The following CMC1 variants were observed in gnomAD, a reference collection of about 807,000 sequenced individuals.
CMC1 encodes COX assembly mitochondrial protein homolog.
A neutral mutation model predicts 14.1 loss-of-function variants in CMC1; 14 were observed. The ratio of observed to expected loss-of-function variants is 0.99; its 90% CI spans 0.66 to 1.55. CMC1 has a LOEUF of 1.55. Among genes scored for constraint, CMC1 ranks in the 40% most tolerant of loss-of-function variants. The pLI is 0.00. For missense variants in CMC1, 127 were observed against 123.8 expected (o/e 1.03, Z -0.12); for synonymous variants, 50 against 38.4 (o/e 1.30, Z -1.12).
intron 2 of CMC1, among the ~76,000 whole-genome samples, chr3:28,309,115 C>T (rs1053462400): frequency 1.3e-5 from 2 of 151,976 alleles, no homozygotes; most frequent in Non-Finnish European, 2.9e-5. Flanking sequence ...TGTATTTTTC[C>T]AGTTTCTTCT....
chr3:28,309,665 A>C (rs1280421539), intron 2 of CMC1, among the ~76,000 whole-genome samples: 1 of 151,716 alleles, frequency 6.6e-6, no homozygotes, highest in Non-Finnish European at 1.5e-5. Flanking sequence ...TCCTCTGCCT[A>C]CTCTAAGGTT....
chr3:28,300,619 C>G (rs554237723), intron 2 of CMC1, among the ~76,000 whole-genome samples: 2 of 121,150 alleles, frequency 1.7e-5, no homozygotes, highest in African/African-American at 6.7e-5. Context: ...TCCTCCCTCC[C>G]TCCCTCCCTC....
chr3:28,255,417 T>G (rs972009352), intron 1 of CMC1, among the ~76,000 whole-genome samples: 3 of 151,438 alleles, frequency 2.0e-5, no homozygotes, highest in Admixed American at 6.6e-5. Flanking sequence ...ATTTTTGTAG[T>G]TTTTTTTCAC....
rs1288242491 is a variant in CMC1, at chr3:28,320,938, CCACT to C, written c.*1310_*1313del. 6.6e-6 allele frequency: 1 copy of C among 151,228 alleles called. No homozygotes were observed. The highest frequency in any genetic ancestry group is 1.5e-5 in the Non-Finnish European group (1 of 67,554). 9.4% of individuals were successfully genotyped at this position (151,228 alleles called of 1,614,324 possible). The stretch of plus-strand genomic sequence containing the variant: ...TAAAATCACAAATAGAAATTACTAC[CCACT>C]AAGACAAGGTTTAACTTTCCCTAAT... On this transcript the variant is annotated 3_prime_UTR_variant, in exon 4 of 4. Coordinates refer to ENST00000466830, the MANE Select transcript of CMC1 (RefSeq NM_182523.2).
chr3:28,243,255 C>G (rs185244913), intron 1 of CMC1, among the ~76,000 whole-genome samples: 16 of 152,078 alleles, frequency 1.1e-4, no homozygotes, highest in Non-Finnish European at 1.9e-4. Context: ...GAGGTTTCGC[C>G]GTGTTCGCCA....
chr3:28,271,748 C>T (rs1309975652), intron 2 of CMC1, among the ~76,000 whole-genome samples: 1 of 151,994 alleles, frequency 6.6e-6, no homozygotes, highest in Non-Finnish European at 1.5e-5. Flanking sequence ...TTTCCAATTC[C>T]GAATTCTAGT....
At chr3:28,250,818 A>C (rs1315351645) in intron 1 of CMC1, among the ~76,000 whole-genome samples, 1 of 152,232 alleles carries the variant, frequency 6.6e-6, no homozygotes. Flanking sequence ...GGATTGCCCC[A>C]GGAGGATTAA....
At chr3:28,290,139 C>T (rs1268088798) in intron 2 of CMC1, among the ~76,000 whole-genome samples, 1 of 152,058 alleles carries the variant, frequency 6.6e-6, no homozygotes, top group African/African-American at 2.4e-5. Context: ...TCTTTCAGGT[C>T]CCAGTTTCTG....
intron 2 of CMC1, among the ~76,000 whole-genome samples, chr3:28,275,149 G>A (rs184378343): frequency 3.3e-5 from 5 of 152,126 alleles, no homozygotes; most frequent in East Asian, 1.9e-4. Flanking sequence ...GAGGTGTTGC[G>A]ATCATTTGGA....
At chr3:28,246,781 T>A (rs1261975771) in intron 1 of CMC1, among the ~76,000 whole-genome samples, 2 of 151,904 alleles carry the variant, frequency 1.3e-5, no homozygotes, top group East Asian at 3.9e-4. Flanking sequence ...TATTTCTCTT[T>A]GATTTGGGGT....
chr3:28,321,924 T>C lies in CMC1; in HGVS notation c.*2295T>C, dbSNP rs1321239938. ...CTGAATTGAACCTTATAAAAAGAAA[T>C]CTAAAGATTCCAAAGGAAGCTCTTT... On this transcript the variant is annotated 3_prime_UTR_variant, in exon 4 of 4. Transcript: ENST00000466830. 1 of 151,360 alleles carries C rather than the reference T, an allele frequency of 6.6e-6. No homozygotes were observed. Among genetic ancestry groups the C allele is most frequent in the Non-Finnish European group, 1.5e-5 (1 of 67,508 alleles). The allele number at this position is 151,360 out of a possible 1,614,324, so 9.4% of individuals were successfully genotyped here.
At chr3:28,307,647 G>A (rs1702396702) in intron 2 of CMC1, among the ~76,000 whole-genome samples, 1 of 152,126 alleles carries the variant, frequency 6.6e-6, no homozygotes, top group Admixed American at 6.5e-5. Flanking sequence ...CTAGAGTGCT[G>A]CTCTTGGTTT....
At chr3:28,288,286 A>G (rs1001380089) in intron 2 of CMC1, among the ~76,000 whole-genome samples, 4 of 152,108 alleles carry the variant, frequency 2.6e-5, no homozygotes, top group Admixed American at 2.6e-4. Context: ...CTTTATCATA[A>G]AGAGTAGCAT....
At chr3:28,319,424 G>A in intron 3 of CMC1, 85 bp from the exon 4 acceptor site, 2 of 1,187,966 alleles carry the variant, frequency 1.7e-6, no homozygotes, top group Non-Finnish European at 2.5e-6. Context: ...TGAACCAGAT[G>A]TCTGAATATT....
intron 1 of CMC1, chr3:28,253,805 C>T (rs1231824557): frequency 4.0e-6 from 4 of 999,562 alleles, no homozygotes; most frequent in Non-Finnish European, 4.1e-6. Flanking sequence ...AATGGCATTA[C>T]CTAAGTAAGT....
intron 2 of CMC1, among the ~76,000 whole-genome samples, chr3:28,294,108 G>T (rs559254162): frequency 1.3e-5 from 2 of 152,156 alleles, no homozygotes; most frequent in African/African-American, 4.8e-5. Flanking sequence ...ATTAATGTCT[G>T]GTTATGTAGA....
intron 2 of CMC1, among the ~76,000 whole-genome samples, chr3:28,289,140 C>T (rs1230527790): frequency 6.6e-6 from 1 of 151,200 alleles, no homozygotes; most frequent in African/African-American, 2.4e-5. Context: ...AAGACTAATA[C>T]AGTCTGCAAA....
intron 1 of CMC1, among the ~76,000 whole-genome samples, chr3:28,259,092 A>G (rs192052421): frequency 1.1e-4 from 16 of 151,736 alleles, no homozygotes; most frequent in South Asian, 4.2e-4. Context: ...TGGCTATTCT[A>G]TGTCCTTTGT....
rs886901331 is a variant in CMC1, at chr3:28,241,645, C to G, written c.-149C>G. On this transcript the variant is annotated 5_prime_UTR_variant, in exon 1 of 4. Coordinates refer to ENST00000466830, the MANE Select transcript of CMC1 (RefSeq NM_182523.2). ...GCCTGGGAAGGAAGAGGGAACGGGT[C>G]CTGGCGGTGCTTTGCAAAGGGCCCG... 113 of 1,232,628 alleles carry G rather than the reference C, an allele frequency of 9.2e-5. No homozygotes were observed. In the African/African-American group the frequency reaches 1.6e-3, roughly 17 times the overall value. 76.4% of individuals were successfully genotyped at this position (1,232,628 alleles called of 1,614,324 possible).
Sources: allele counts gnomAD v4.1 joint callset (sites outside exome capture counted in the v4.1 genomes callset), GRCh38; gene constraint gnomAD v4.1.1; transcripts MANE v1.5; gene names NCBI Gene and HGNC (gene_info 2026-07-23, HGNC 2026-07-21).